Variants in ESM1 observed in about 807,000 individuals in gnomAD.
ESM1 encodes the protein endothelial cell-specific molecule 1.
Under a neutral mutation model 14.9 loss-of-function variants are expected in ESM1, and 7 were observed. The observed-to-expected ratio is 0.47, with a 90% CI of 0.27 to 0.88. The LOEUF is 0.88. Among genes scored for constraint, ESM1 ranks in the 40% least tolerant of loss-of-function variants. The pLI, the probability that ESM1 is intolerant of heterozygous loss-of-function variation, is 0.14. For synonymous variants in ESM1, 89 were observed against 89.4 expected (o/e 1.00, Z 0.02); for missense variants, 192 against 237.9 (o/e 0.81, Z 1.27).
intron 1 of ESM1, among the ~76,000 whole-genome samples, chr5:54,983,245 C>T (rs1049946152): frequency 1.3e-5 from 2 of 152,112 alleles, no homozygotes; most frequent in East Asian, 1.9e-4. Context: ...GTTCTCTTTG[C>T]TGGGAAGAAG....
chr5:54,980,462 A>G (rs893114508), intron 2 of ESM1, among the ~76,000 whole-genome samples: 1 of 152,196 alleles, frequency 6.6e-6, no homozygotes, highest in Admixed American at 6.5e-5. Flanking sequence ...TCAAAGACAC[A>G]TGTAGACTAC....
rs140259656 is a variant in ESM1 at position 54,985,376 on chromosome 5, G to A, written c.142C>T (p.Leu48Phe). The A allele has an allele frequency of 3.7e-6, 6 of 1,614,072 alleles. No individual in the cohort carries two copies. The African/African-American group carries it at 8.0e-5, about 22-fold the overall frequency. Residue 48 changes from leucine to phenylalanine, a missense_variant, in exon 1 of 3, where the codon CTC becomes TTC. Coordinates refer to ENST00000381405, the MANE Select transcript of ESM1 (RefSeq NM_007036.5). ...ACTCGGCAGCAGCCACAGTCGTCGAGCACTGTCCTCTTGCAGCGCGGGCTG... is the reference window on the plus strand; with the variant it reads ...ACTCGGCAGCAGCCACAGTCGTCGAACACTGTCCTCTTGCAGCGCGGGCTG... ...KSSPRCKRTV[L>F]DDCGCCRVCA...
rs969036499 is a variant in ESM1 at position 54,985,581 on chromosome 5, C to T, written c.-64G>A. On this transcript the variant is annotated 5_prime_UTR_variant, in exon 1 of 3. Coordinates refer to ENST00000381405, the MANE Select transcript of ESM1 (RefSeq NM_007036.5). Reference sequence around the variant, plus strand: ...TCTTTGCTGGTGGGAAGCAGCCGTCCAAACTGGTAGCTGAGCCTCTGCCTA... The same window carrying T: ...TCTTTGCTGGTGGGAAGCAGCCGTCTAAACTGGTAGCTGAGCCTCTGCCTA... 14 of 1,463,498 alleles carry T rather than the reference C, an allele frequency of 9.6e-6. No homozygotes were observed. In the South Asian group the frequency reaches 1.3e-4, roughly 14 times the overall value. The allele number at this position is 1,463,498 out of a possible 1,614,324, so 90.7% of individuals were successfully genotyped here.
chr5:54,982,035 G>A lies in ESM1; in HGVS notation c.413C>T (p.Ser138Leu). The change falls in exon 2 of 3, where the codon TCA (serine) becomes TTA (leucine). Residue 138 changes from serine (S) to leucine (L), a missense_variant. Coordinates refer to ENST00000381405, the MANE Select transcript of ESM1 (RefSeq NM_007036.5). ...AAATCTGTTGGAAGACTTGGTTACT[G>A]AATATTGGAAGAAGGGGAATTTCAG... is the stretch of plus-strand genomic sequence containing the variant. ...KCLKFPFFQYSVTKSSNRFVS... is the reference protein window; with the variant it reads ...KCLKFPFFQYLVTKSSNRFVS... The A allele has an allele frequency of 2.5e-6, 4 of 1,614,164 alleles. No individual in the cohort carries two copies. Among genetic ancestry groups the A allele is most frequent in the Non-Finnish European group, 2.5e-6 (3 of 1,179,996 alleles).
rs1743993206 is a variant in ESM1 at position 54,978,857 on chromosome 5, T to G, written c.*475A>C. 1 of 151,134 alleles carries G rather than the reference T, an allele frequency of 6.6e-6. No homozygotes were observed. Among genetic ancestry groups the G allele is most frequent in the African/African-American group, 2.4e-5 (1 of 40,958 alleles). The allele number at this position is 151,134 out of a possible 1,614,324, so 9.4% of individuals were successfully genotyped here. The stretch of plus-strand genomic sequence containing the variant: ...AAAAAAAAAAAAAGCACAATTAAAT[T>G]CTAGAGAAGCTACCTACCAAGGAAG... On this transcript the variant is annotated 3_prime_UTR_variant, in exon 3 of 3. Transcript: ENST00000381405.
intron 1 of ESM1, among the ~76,000 whole-genome samples, chr5:54,982,649 C>A (rs762248674): frequency 4.6e-5 from 7 of 152,196 alleles, no homozygotes; most frequent in Non-Finnish European, 7.3e-5. Flanking sequence ...ATCATCCTAG[C>A]TCACCATGAA....
rs1743980780 is a variant in ESM1, at chr5:54,978,497, T to C, written c.*835A>G. The C allele has an allele frequency of 6.6e-6, 1 of 152,144 alleles. No individual in the cohort carries two copies. The highest frequency in any genetic ancestry group is 6.5e-5 in the Admixed American group (1 of 15,276). The allele number at this position is 152,144 out of a possible 1,614,324, so 9.4% of individuals were successfully genotyped here. A position where few individuals can be genotyped will look rare whatever the true frequency, so the allele number is the denominator to read the frequency against. On this transcript the variant is annotated 3_prime_UTR_variant, in exon 3 of 3. Transcript: ENST00000381405. The stretch of plus-strand genomic sequence containing the variant: ...TAGATTTCTTTCCTCAAGAGGATGA[T>C]AAATATGGGTAGGGAAGATGACTTG...
Position 54,985,496 on chromosome 5 carries a change from T to A in ESM1, c.22A>T (p.Thr8Ser). Residue 8 changes from threonine to serine, a missense_variant, in exon 1 of 3, where the codon ACC (threonine) becomes TCC (serine). Transcript: ENST00000381405. ...AGGTGTGCAGGCACGAGGAGCGTGG[T>A]CAGCAGCAAGACGCTCTTCATGTTT... MKSVLLL[T>S]TLLVPAHLVA... 3.7e-6 allele frequency: 6 copies of A among 1,600,486 alleles called. No homozygotes were observed. The highest frequency in any genetic ancestry group is 5.1e-6 in the Non-Finnish European group (6 of 1,169,364).
chr5:54,979,105 C>A lies in ESM1; in HGVS notation c.*227G>T. The A allele has an allele frequency of 6.3e-6, 3 of 476,008 alleles. No homozygotes were observed. The South Asian group carries it at 8.5e-5, about 14-fold the overall frequency. 29.5% of individuals were successfully genotyped at this position (476,008 alleles called of 1,614,324 possible). On this transcript the variant is annotated 3_prime_UTR_variant, in exon 3 of 3. Transcript: ENST00000381405. The stretch of plus-strand genomic sequence containing the variant: ...AGTGTTACTATACACACACATTTAA[C>A]AAATCTACATGCATTCGAATATTTA...
At chr5:54,985,175 C>T (rs2112253653) in intron 1 of ESM1, 42 bp downstream of exon 1, 1 of 1,538,536 alleles carries the variant, frequency 6.5e-7, no homozygotes, top group Middle Eastern at 1.8e-4. Flanking sequence ...TAAAAGCTCT[C>T]AGCATGCCCC....
At chr5:54,981,827 G>A (rs11745146) in intron 2 of ESM1, among the ~76,000 whole-genome samples, 170 bp downstream of exon 2, 28,691 of 152,058 alleles carry the variant, frequency 0.19, 3,486 homozygotes, top group South Asian at 0.35. Flanking sequence ...GCTCTTTTTA[G>A]AAAACAGCAA....
chr5:54,980,581 G>A (rs983704181), intron 2 of ESM1, among the ~76,000 whole-genome samples: 2 of 152,144 alleles, frequency 1.3e-5, no homozygotes, highest in African/African-American at 2.4e-5. Flanking sequence ...TTTGCTGGTT[G>A]CACCTTTAGC....
chr5:54,982,516 A>G (rs1015559459), intron 1 of ESM1, among the ~76,000 whole-genome samples: 3 of 152,172 alleles, frequency 2.0e-5, no homozygotes, highest in African/African-American at 7.2e-5. Flanking sequence ...GAACAGACAT[A>G]TATGCATCAG....
Position 54,985,479 on chromosome 5 carries a change from A to G in ESM1, c.39T>C (p.Pro13=). The G allele has an allele frequency of 6.2e-7, 1 of 1,606,020 alleles. No individual in the cohort carries two copies. Among genetic ancestry groups the G allele is most frequent in the South Asian group, 1.1e-5 (1 of 90,944 alleles). Residue 13 remains proline, a synonymous_variant, in exon 1 of 3, where the codon CCT becomes CCC. Coordinates refer to ENST00000381405, the MANE Select transcript of ESM1 (RefSeq NM_007036.5). ...TGCTCCAGGCGGCCACCAGGTGTGC[A>G]GGCACGAGGAGCGTGGTCAGCAGCA... ...SVLLLTTLLV[P]AHLVAAWSNN...
In ESM1 at chr5:54,984,396, T is replaced by C. The variant is rs985365279; in HGVS notation, c.301+821A>G. On this transcript the variant is annotated intron_variant, in intron 1 of 2. Coordinates refer to ENST00000381405, the MANE Select transcript of ESM1 (RefSeq NM_007036.5). ...AGTATTTTTAAATCATCATTCTTTTTATTCTAAACATTTTTAAAATGTTAA... is the reference window on the plus strand; with the variant it reads ...AGTATTTTTAAATCATCATTCTTTTCATTCTAAACATTTTTAAAATGTTAA... Among the ~76,000 whole-genome samples, 7 of 152,312 alleles carry C rather than the reference T, an allele frequency of 4.6e-5. No homozygotes were observed. In the East Asian group the frequency reaches 1.3e-3, roughly 29 times the overall value.
chr5:54,985,113 C>G, intron 1 of ESM1, 104 bp downstream of exon 1: 1 of 1,024,072 alleles, frequency 9.8e-7, no homozygotes, highest in East Asian at 2.4e-5. Context: ...AATCCACCTG[C>G]CTTTTCCCTC....
At chr5:54,981,866 G>C (rs778800880) in intron 2 of ESM1, 131 bp downstream of exon 2, 3 of 916,210 alleles carry the variant, frequency 3.3e-6, no homozygotes, top group African/African-American at 3.4e-5. Context: ...ACCACCCACC[G>C]TTCCCCTGAG....
At position 54,985,353 on chromosome 5, in the gene ESM1, T is replaced by G; in HGVS notation, c.165A>C (p.Arg55=). The G allele has an allele frequency of 6.2e-7, 1 of 1,614,158 alleles. No homozygotes were observed. The highest frequency in any genetic ancestry group is 8.5e-7 in the Non-Finnish European group (1 of 1,180,034). ...RTVLDDCGCC[R]VCAAGRGETC... ...TTTCTCCCCGCCCTGCAGCGCACAC[T>G]CGGCAGCAGCCACAGTCGTCGAGCA... Residue 55 remains arginine (R), a synonymous_variant, in exon 1 of 3, where the codon CGA becomes CGC. Transcript: ENST00000381405.
chr5:54,983,587 A>G (rs1302222160), intron 1 of ESM1, among the ~76,000 whole-genome samples: 1 of 152,242 alleles, frequency 6.6e-6, no homozygotes, highest in African/African-American at 2.4e-5. Flanking sequence ...TATTATCTCT[A>G]TCTCGAGTTG....
Sources: gnomAD v4.1 joint callset for allele counts (sites outside exome capture counted in the v4.1 genomes callset) on GRCh38, gnomAD v4.1.1 for gene constraint, MANE v1.5 for transcripts, NCBI Gene and HGNC (gene_info 2026-07-23, HGNC 2026-07-21) for gene names.